PWWP2A: variants seen among roughly 807,000 people sequenced by gnomAD.
PWWP2A encodes PWWP domain containing 2A, also known as PWWP domain-containing protein 2A.
In PWWP2A, 18 loss-of-function variants were observed where a neutral mutation model predicts 48.5. That is an observed-to-expected ratio of 0.37 (90% confidence interval 0.26 to 0.55). PWWP2A has a LOEUF of 0.55. PWWP2A is among the 20% of genes least tolerant of loss of function. PWWP2A has a pLI of 0.81. For synonymous variants in PWWP2A, 396 were observed against 387.7 expected (o/e 1.02, Z -0.25); for missense variants, 867 against 976.4 (o/e 0.89, Z 1.49).
At chr5:160,086,687 G>A (rs1286278871), downstream of PWWP2A, among the ~76,000 whole-genome samples, 1 of 152,150 alleles carries the variant, frequency 6.6e-6, no homozygotes, top group African/African-American at 2.4e-5. Flanking sequence ...GAGGTCAGAA[G>A]TTGAGACCAG....
rs751093747 is a variant in PWWP2A, at chr5:160,094,033, A to C, written c.617T>G (p.Phe206Cys). Residue 206 changes from phenylalanine to cysteine, a missense_variant, in exon 2 of 2, where the codon TTT becomes TGT. This residue lies in a region of PWWP2A where 385 missense variants were observed against 396.9 expected (regional missense o/e 0.97). Coordinates refer to ENST00000307063, the MANE Select transcript of PWWP2A (RefSeq NM_001130864.2). Reference protein sequence around the residue: ...FGPHGIPVTVFPKREYKDKPE... With the variant: ...FGPHGIPVTVCPKREYKDKPE... ...TTTATCCTTATATTCCCTTTTGGGA[A>C]ATACTGTCACAGGGATACCATGGGG... 3 of 1,613,522 alleles carry C rather than the reference A, an allele frequency of 1.9e-6. No homozygotes were observed. In the South Asian group the frequency reaches 3.3e-5, roughly 18 times the overall value.
intron 1 of PWWP2A, among the ~76,000 whole-genome samples, chr5:160,107,741 A>AGCG (rs1298437247): frequency 4.6e-5 from 7 of 152,174 alleles, no homozygotes; most frequent in African/African-American, 1.7e-4. Context: ...AGTCCAGGCC[A>AGCG]GGCGCGGTGG....
chr5:160,058,412 T>C (rs1008206385), downstream of PWWP2A, among the ~76,000 whole-genome samples: 4 of 147,350 alleles, frequency 2.7e-5, no homozygotes, highest in African/African-American at 1.0e-4. Flanking sequence ...TGTATTTCTT[T>C]TTTTTTTTTT....
chr5:160,059,110 C>CCTAT (rs1238785572), downstream of PWWP2A, among the ~76,000 whole-genome samples: 1 of 152,148 alleles, frequency 6.6e-6, no homozygotes, highest in Non-Finnish European at 1.5e-5. Context: ...AGAGAGTCAG[C>CCTAT]CTATCCTTTG....
chr5:160,103,627 G>C lies in PWWP2A; in HGVS notation c.585-9562C>G, dbSNP rs575175032. Among the ~76,000 whole-genome samples, 237 of 152,186 alleles carry C rather than the reference G, an allele frequency of 1.6e-3. 3 individuals are homozygous for C. Among genetic ancestry groups the C allele is most frequent in the African/African-American group, 5.5e-3 (229 of 41,512 alleles). ...ACCTAGAAAGGCTCAAGCAGATTAA[G>C]TGAAGAGCAAAACAGGGAGTGGTAA... On this transcript the variant is annotated intron_variant, in intron 1 of 1. Transcript: ENST00000307063.
chr5:160,071,644 C>T (rs1418315449), downstream of PWWP2A, among the ~76,000 whole-genome samples: 1 of 152,184 alleles, frequency 6.6e-6, no homozygotes, highest in African/African-American at 2.4e-5. Flanking sequence ...AATATCTTGA[C>T]GAGCCCTCAT....
At chr5:160,108,127 A>T (rs543395594) in intron 1 of PWWP2A, among the ~76,000 whole-genome samples, 24 of 148,336 alleles carry the variant, frequency 1.6e-4, no homozygotes, top group African/African-American at 6.2e-4. Context: ...TTACAGGATT[A>T]TTTTTTTTTT....
chr5:160,108,786 T>TC (rs1163586125), intron 1 of PWWP2A, among the ~76,000 whole-genome samples: 1 of 152,206 alleles, frequency 6.6e-6, no homozygotes, highest in Non-Finnish European at 1.5e-5. Context: ...TGTAAAAACA[T>TC]CAATTCTGAA....
chr5:160,091,379 T>C lies in PWWP2A; in HGVS notation c.*1003A>G. Reference sequence around the variant, plus strand: ...TTTTATTTACAGCTTTTTTTTGGTTTTTTTTTTTTTTTTTACATTTCAGAG... The same window carrying C: ...TTTTATTTACAGCTTTTTTTTGGTTCTTTTTTTTTTTTTTACATTTCAGAG... On this transcript the variant is annotated 3_prime_UTR_variant, in exon 2 of 2. Transcript: ENST00000307063. The C allele has an allele frequency of 1.1e-6, 1 of 870,034 alleles. No homozygotes were observed. The highest frequency in any genetic ancestry group is 1.4e-6 in the Non-Finnish European group (1 of 725,856). 53.9% of individuals were successfully genotyped at this position (870,034 alleles called of 1,614,324 possible). A position where few individuals can be genotyped will look rare whatever the true frequency, so the allele number is the denominator to read the frequency against.
At chr5:160,065,444 CG>C (rs1753578415) in intron 4 of PWWP2A, 2 of 462,484 alleles carry the variant, frequency 4.3e-6, no homozygotes, top group East Asian at 6.8e-5. Context: ...TGATTGATGA[CG>C]GGTTCCCGCC....
At chr5:160,101,030 C>A (rs920327749) in intron 1 of PWWP2A, among the ~76,000 whole-genome samples, 1 of 152,116 alleles carries the variant, frequency 6.6e-6, no homozygotes, top group Non-Finnish European at 1.5e-5. Flanking sequence ...ATATATTATA[C>A]AAAATAATAG....
At chr5:160,071,815 T>C (rs930144007), downstream of PWWP2A, among the ~76,000 whole-genome samples, 1 of 152,146 alleles carries the variant, frequency 6.6e-6, no homozygotes, top group Admixed American at 6.5e-5. Flanking sequence ...TTCCTTCCTG[T>C]TGTTTTCTGT....
chr5:160,105,798 C>T (rs1284079257), intron 1 of PWWP2A: 1 of 201,012 alleles, frequency 5.0e-6, no homozygotes, highest in African/African-American at 2.4e-5. Context: ...AAAAAAAATT[C>T]CTCAAAGAAA....
chr5:160,104,066 G>A (rs1370285174), intron 1 of PWWP2A, among the ~76,000 whole-genome samples: 1 of 145,332 alleles, frequency 6.9e-6, no homozygotes, highest in African/African-American at 2.5e-5. Flanking sequence ...GGAGGTTGCA[G>A]TGACCCGGGA....
At chr5:160,080,827 C>A in intron 2 of PWWP2A, 1 of 1,438,994 alleles carries the variant, frequency 6.9e-7, no homozygotes, top group Non-Finnish European at 9.3e-7. Context: ...TTTAATCCAT[C>A]CATTTTACCA....
chr5:160,112,389 T>C (rs1052707285), intron 1 of PWWP2A, among the ~76,000 whole-genome samples: 1 of 151,836 alleles, frequency 6.6e-6, no homozygotes, highest in Non-Finnish European at 1.5e-5. Flanking sequence ...CCCAGATAAT[T>C]TTTTGTATTT....
chr5:160,044,391 G>A, the PWWP2A span, among the ~76,000 whole-genome samples: 1 of 152,176 alleles, frequency 6.6e-6, no homozygotes, highest in Non-Finnish European at 1.5e-5. Context: ...GCAGCAATGT[G>A]GGCTGCTCAG....
the PWWP2A span, among the ~76,000 whole-genome samples, chr5:160,047,092 T>A: frequency 6.6e-6 from 1 of 152,210 alleles, no homozygotes; most frequent in Non-Finnish European, 1.5e-5. Flanking sequence ...CCAAAATTCA[T>A]GAATTTTAAA....
Position 160,092,410 on chromosome 5 carries a change from C to A in PWWP2A, c.2240G>T (p.Arg747Leu). ...KAAKQLTPEV[R>L]ALLTQFET is the part of the protein sequence containing the mutation. ...CGTTTCAAACTGTGTCAACAAAGCC[C>A]GCACTTCGGGGGTCAGCTGCTTGGC... The change falls in exon 2 of 2, where the codon CGG becomes CTG. Residue 747 changes from arginine to leucine, a missense_variant. By Grantham distance (102) the Arg-to-Leu change is moderately radical. Around this residue, in one of 4 missense-constraint regions of PWWP2A, gnomAD observed 97 missense variants for 151.7 expected, o/e 0.64. Coordinates refer to ENST00000307063, the MANE Select transcript of PWWP2A (RefSeq NM_001130864.2). 6.5e-7 allele frequency: 1 copy of A among 1,547,436 alleles called. No individual in the cohort carries two copies. The highest frequency in any genetic ancestry group is 8.7e-7 in the Non-Finnish European group (1 of 1,145,698).
Sources: allele counts gnomAD v4.1 joint callset (sites outside exome capture counted in the v4.1 genomes callset), GRCh38; gene constraint gnomAD v4.1.1; regional missense constraint gnomAD v4.1.1; transcripts MANE v1.5; gene names NCBI Gene and HGNC (gene_info 2026-07-23, HGNC 2026-07-21).